WWOX: variants seen among roughly 807,000 people sequenced by gnomAD.
The protein encoded by WWOX is WW domain-containing oxidoreductase.
A neutral mutation model predicts 46.2 loss-of-function variants in WWOX; 69 were observed. The ratio of observed to expected loss-of-function variants is 1.49; its 90% CI spans 1.23 to 1.82. The LOEUF (loss-of-function observed/expected upper bound fraction) is 1.82. Ranked by LOEUF, WWOX falls within the 40% of genes most tolerant of loss-of-function variation. The pLI is 0.00. For synonymous variants in WWOX, 359 were observed against 202.6 expected (o/e 1.77, Z -6.56); for missense variants, 919 against 542.6 (o/e 1.69, Z -6.89).
chr16:79,073,447 T>G (rs1477350691), intron 8 of WWOX, among the ~76,000 whole-genome samples: 1 of 152,122 alleles, frequency 6.6e-6, no homozygotes, highest in Non-Finnish European at 1.5e-5. Context: ...CCCAAAGTGC[T>G]GGGGTTTCAA....
intron 8 of WWOX, among the ~76,000 whole-genome samples, chr16:78,885,163 G>T (rs1231330338): frequency 7.3e-5 from 11 of 150,934 alleles, no homozygotes; most frequent in African/African-American, 2.2e-4. Flanking sequence ...GCTCCCTCAT[G>T]GTTGCGGGGG....
chr16:78,915,606 C>G (rs28753975), intron 8 of WWOX, among the ~76,000 whole-genome samples: 1 of 151,906 alleles, frequency 6.6e-6, no homozygotes, highest in African/African-American at 2.4e-5. Flanking sequence ...TTCCTATTAG[C>G]AAAATAACAG....
At chr16:78,987,547 C>G (rs1168669568) in intron 8 of WWOX, among the ~76,000 whole-genome samples, 1 of 152,102 alleles carries the variant, frequency 6.6e-6, no homozygotes, top group Admixed American at 6.5e-5. Context: ...GAGTTTAAAG[C>G]TTTCCTATAA....
At chr16:78,733,632 G>A (rs1421908221) in intron 8 of WWOX, among the ~76,000 whole-genome samples, 2 of 151,926 alleles carry the variant, frequency 1.3e-5, no homozygotes, top group African/African-American at 2.4e-5. Context: ...GTGTGTGCCT[G>A]TAGTTCCAGC....
chr16:78,850,550 T>C (rs1181135538), intron 8 of WWOX, among the ~76,000 whole-genome samples: 3 of 152,218 alleles, frequency 2.0e-5, no homozygotes, highest in African/African-American at 7.2e-5. Context: ...CGTTTGTATA[T>C]AATGCTGTTT....
chr16:78,882,651 C>A (rs2044368066), intron 8 of WWOX, among the ~76,000 whole-genome samples: 1 of 151,860 alleles, frequency 6.6e-6, no homozygotes, highest in Non-Finnish European at 1.5e-5. Context: ...CCGTGCCCAG[C>A]TAACTTTTGT....
chr16:78,554,691 C>A (rs1292152400), intron 8 of WWOX, among the ~76,000 whole-genome samples: 1 of 152,048 alleles, frequency 6.6e-6, no homozygotes, highest in Non-Finnish European at 1.5e-5. Flanking sequence ...TTGAATAGGA[C>A]CGTAGAGGTG....
intron 8 of WWOX, among the ~76,000 whole-genome samples, chr16:78,803,828 G>T (rs1204119869): frequency 1.3e-5 from 2 of 152,220 alleles, no homozygotes; most frequent in South Asian, 2.1e-4. Flanking sequence ...AATTTTAAAA[G>T]AATTGAACAA....
chr16:78,593,152 C>G (rs1462542711), intron 8 of WWOX, among the ~76,000 whole-genome samples: 2 of 152,272 alleles, frequency 1.3e-5, no homozygotes, highest in Admixed American at 6.5e-5. Flanking sequence ...CCCTCCCCAC[C>G]CTACCTTGCT....
intron 8 of WWOX, among the ~76,000 whole-genome samples, chr16:78,787,280 A>T: frequency 6.6e-6 from 1 of 152,300 alleles, no homozygotes; most frequent in Non-Finnish European, 1.5e-5. Context: ...CATTTTTACC[A>T]TCCCCCGCTA....
intron 8 of WWOX, among the ~76,000 whole-genome samples, chr16:78,832,816 A>G (rs567165879): frequency 5.9e-5 from 9 of 152,184 alleles, no homozygotes; most frequent in Non-Finnish European, 1.2e-4. Flanking sequence ...TGTGATATTC[A>G]TTACAGAACT....
chr16:78,640,966 AAAGGAAGGACAGATGG>A (rs1567457049), intron 8 of WWOX, among the ~76,000 whole-genome samples: 8 of 151,508 alleles, frequency 5.3e-5, no homozygotes, highest in Admixed American at 1.3e-4. Flanking sequence ...AGAAGAAAAG[AAAGGAAGGACAGATGG>A]AAGGAAGGAA....
chr16:78,605,763 G>T (rs1437934333), intron 8 of WWOX, among the ~76,000 whole-genome samples: 7 of 152,208 alleles, frequency 4.6e-5, no homozygotes, highest in African/African-American at 1.7e-4. Context: ...GGAAAGGATA[G>T]GAAGAAGCTC....
chr16:78,542,140 G>GAC (rs1410386594), intron 8 of WWOX, among the ~76,000 whole-genome samples: 1 of 148,684 alleles, frequency 6.7e-6, no homozygotes, highest in Admixed American at 6.9e-5. Context: ...AATTTCTATC[G>GAC]ACACTAGACA....
intron 8 of WWOX, among the ~76,000 whole-genome samples, chr16:79,163,913 GTA>G (rs145348167): frequency 0.015 from 2,222 of 148,606 alleles, 63 homozygotes; most frequent in African/African-American, 0.052. Context: ...TGATCTGGCT[GTA>G]TCTGTCGAGT....
chr16:78,933,739 G>C (rs896148040), intron 8 of WWOX, among the ~76,000 whole-genome samples: 4 of 152,070 alleles, frequency 2.6e-5, no homozygotes, highest in Non-Finnish European at 5.9e-5. Flanking sequence ...ATCTGATCTC[G>C]TGAGACTTAT....
At chr16:79,061,035 A>G (rs900897609) in intron 8 of WWOX, among the ~76,000 whole-genome samples, 1 of 152,156 alleles carries the variant, frequency 6.6e-6, no homozygotes, top group African/African-American at 2.4e-5. Context: ...TGGAATTCAG[A>G]CTTATACACT....
intron 8 of WWOX, among the ~76,000 whole-genome samples, chr16:78,903,954 C>T (rs566148104): frequency 4.6e-5 from 7 of 152,148 alleles, no homozygotes; most frequent in Non-Finnish European, 8.8e-5. Flanking sequence ...AGCCACACAG[C>T]GAATGAATGG....
chr16:79,151,855 A>T (rs765487896), intron 8 of WWOX, among the ~76,000 whole-genome samples: 1 of 152,150 alleles, frequency 6.6e-6, no homozygotes, highest in South Asian at 2.1e-4. Context: ...TGTGATGATA[A>T]TTCTCTTTTC....
Sources: gnomAD v4.1 joint callset for allele counts (sites outside exome capture counted in the v4.1 genomes callset) on GRCh38, gnomAD v4.1.1 for gene constraint, MANE v1.5 for transcripts, NCBI Gene and HGNC (gene_info 2026-07-23, HGNC 2026-07-21) for gene names.